LSAMP: variants seen among roughly 807,000 people sequenced by gnomAD.
LSAMP encodes limbic system associated membrane protein.
Under a neutral mutation model 38.6 loss-of-function variants are expected in LSAMP, and 7 were observed. That is an observed-to-expected ratio of 0.18 (90% CI 0.10 to 0.34). The LOEUF (loss-of-function observed/expected upper bound fraction) is 0.34. LSAMP is among the 10% of genes least tolerant of loss of function. The pLI is 1.00. For synonymous variants in LSAMP, 154 were observed against 166.8 expected (o/e 0.92, Z 0.59); for missense variants, 313 against 420.0 (o/e 0.75, Z 2.23).
At chr3:116,238,014 A>T (rs951510450) in intron 1 of LSAMP, among the ~76,000 whole-genome samples, 1 of 152,158 alleles carries the variant, frequency 6.6e-6, no homozygotes, top group Non-Finnish European at 1.5e-5. Flanking sequence ...TACTCACTAG[A>T]TAAATGTAGC....
chr3:116,108,163 T>C (rs1708511333), intron 1 of LSAMP, among the ~76,000 whole-genome samples: 3 of 151,890 alleles, frequency 2.0e-5, no homozygotes. Flanking sequence ...ACTTATGGAT[T>C]AAGGTGGGGG....
In LSAMP at chr3:116,214,954, G is replaced by C. The variant is rs151321548; in HGVS notation, c.156-128398C>G. 2.9e-3 allele frequency among the ~76,000 whole-genome samples: 441 copies of C among 152,302 alleles called. 3 individuals are homozygous for C. The highest frequency in any genetic ancestry group is 0.018 in the Admixed American group (281 of 15,304). On this transcript the variant is annotated intron_variant, in intron 1 of 6. Coordinates refer to ENST00000490035, the MANE Select transcript of LSAMP (RefSeq NM_002338.5). The stretch of plus-strand genomic sequence containing the variant: ...TATTTTAAAAGTCTTAGAAGGACTG[G>C]AAGTTAACGAAATAACCACCCTCTC...
intron 1 of LSAMP, among the ~76,000 whole-genome samples, chr3:116,422,891 A>C (rs2107858066): frequency 6.6e-6 from 1 of 152,304 alleles, no homozygotes; most frequent in Middle Eastern, 3.4e-3. Context: ...TTGTTATTAT[A>C]ATCTGTTTAT....
chr3:116,268,683 A>AT (rs984292617), intron 1 of LSAMP, among the ~76,000 whole-genome samples: 13 of 21,868 alleles, frequency 5.9e-4, no homozygotes, highest in Admixed American at 1.4e-3. Flanking sequence ...TGATTAAACA[A>AT]TTTTTTTCTA....
chr3:116,318,137 A>AG (rs2047657943), intron 1 of LSAMP, among the ~76,000 whole-genome samples: 1 of 113,578 alleles, frequency 8.8e-6, no homozygotes, highest in Non-Finnish European at 2.1e-5. Context: ...CTCCATCTCA[A>AG]AAAAAAAAAA....
chr3:116,164,747 T>TATAC (rs1158173564), intron 1 of LSAMP, among the ~76,000 whole-genome samples: 6 of 52,544 alleles, frequency 1.1e-4, no homozygotes, highest in African/African-American at 2.9e-4. Context: ...TATATCCATA[T>TATAC]ATATATATAT....
intron 2 of LSAMP, among the ~76,000 whole-genome samples, chr3:116,079,779 T>C (rs1707833505): frequency 6.6e-6 from 1 of 151,972 alleles, no homozygotes; most frequent in African/African-American, 2.4e-5. Context: ...AAAAGTTGCC[T>C]ATTTGTAGCA....
At chr3:116,344,258 A>G (rs1168263423) in intron 1 of LSAMP, among the ~76,000 whole-genome samples, 1 of 152,110 alleles carries the variant, frequency 6.6e-6, no homozygotes, top group African/African-American at 2.4e-5. Context: ...TACAGATAAG[A>G]GGCATATATG....
At chr3:116,338,604 A>G (rs1025185876) in intron 1 of LSAMP, among the ~76,000 whole-genome samples, 2 of 152,014 alleles carry the variant, frequency 1.3e-5, no homozygotes, top group Non-Finnish European at 2.9e-5. Flanking sequence ...TTTATTTTCA[A>G]TTCAAGTAGT....
intron 3 of LSAMP, among the ~76,000 whole-genome samples, chr3:115,889,524 A>G (rs1437011698): frequency 6.6e-6 from 1 of 151,922 alleles, no homozygotes; most frequent in Non-Finnish European, 1.5e-5. Context: ...TCTAATATGA[A>G]CACAGCACTG....
At chr3:116,306,208 T>C (rs900102482) in intron 1 of LSAMP, among the ~76,000 whole-genome samples, 1 of 151,980 alleles carries the variant, frequency 6.6e-6, no homozygotes, top group African/African-American at 2.4e-5. Context: ...TATTCTTAAA[T>C]AGAAGGTAGC....
chr3:116,100,691 G>A lies in LSAMP; in HGVS notation c.156-14135C>T, dbSNP rs145894240. Among the ~76,000 whole-genome samples, 901 of 152,192 alleles carry A rather than the reference G, an allele frequency of 5.9e-3. 12 individuals are homozygous for A. Among genetic ancestry groups the A allele is most frequent in the African/African-American group, 0.02 (847 of 41,520 alleles). On this transcript the variant is annotated intron_variant, in intron 1 of 6. Coordinates refer to ENST00000490035, the MANE Select transcript of LSAMP (RefSeq NM_002338.5). Reference sequence around the variant, plus strand: ...AATGTACATACATAAAGTTGATCATGTACTCATCTTATTTAAATGTTCGTG... The same window carrying A: ...AATGTACATACATAAAGTTGATCATATACTCATCTTATTTAAATGTTCGTG...
chr3:115,824,969 T>C (rs1392902467), intron 6 of LSAMP, among the ~76,000 whole-genome samples: 2 of 152,164 alleles, frequency 1.3e-5, no homozygotes, highest in African/African-American at 4.8e-5. Flanking sequence ...CAGCCCCAAA[T>C]TGTGAATTTC....
At chr3:116,169,605 A>T (rs531278346) in intron 1 of LSAMP, among the ~76,000 whole-genome samples, 10 of 152,274 alleles carry the variant, frequency 6.6e-5, no homozygotes, top group African/African-American at 2.4e-4. Flanking sequence ...AACAATCCCC[A>T]TTCCTCACAG....
At chr3:116,066,790 C>T (rs1158535082) in intron 2 of LSAMP, among the ~76,000 whole-genome samples, 1 of 152,190 alleles carries the variant, frequency 6.6e-6, no homozygotes, top group Non-Finnish European at 1.5e-5. Context: ...TGTTCACCAA[C>T]CACTGTCACT....
At chr3:116,124,563 T>A (rs751072456) in intron 1 of LSAMP, among the ~76,000 whole-genome samples, 3 of 152,328 alleles carry the variant, frequency 2.0e-5, no homozygotes, top group East Asian at 1.9e-4. Flanking sequence ...TTTTAAAGAC[T>A]GATTGTATCA....
chr3:115,904,111 C>CA (rs957751464), intron 3 of LSAMP, among the ~76,000 whole-genome samples: 1 of 151,308 alleles, frequency 6.6e-6, no homozygotes, highest in Non-Finnish European at 1.5e-5. Flanking sequence ...CGACGGTAGT[C>CA]AAAAAAAGTG....
At chr3:116,017,714 G>A (rs958713646) in intron 3 of LSAMP, among the ~76,000 whole-genome samples, 1 of 152,116 alleles carries the variant, frequency 6.6e-6, no homozygotes, top group East Asian at 1.9e-4. Flanking sequence ...AAAAGCAAAC[G>A]ATTGCTTAGG....
intron 3 of LSAMP, among the ~76,000 whole-genome samples, chr3:116,001,673 G>A (rs1329609797): frequency 2.6e-5 from 4 of 152,090 alleles, no homozygotes; most frequent in Admixed American, 6.5e-5. Context: ...GCAGTCCTTG[G>A]CTGTGGCCGC....
Sources: allele counts gnomAD v4.1 joint callset (sites outside exome capture counted in the v4.1 genomes callset), GRCh38; gene constraint gnomAD v4.1.1; transcripts MANE v1.5; gene names NCBI Gene and HGNC (gene_info 2026-07-23, HGNC 2026-07-21).